GLIS3: variants seen among roughly 807,000 people sequenced by gnomAD.
GLIS3 encodes the protein zinc finger protein GLIS3.
Under a neutral mutation model 78.6 loss-of-function variants are expected in GLIS3, and 53 were observed. The ratio of observed to expected loss-of-function variants is 0.67; its 90% CI spans 0.54 to 0.85. GLIS3 has a LOEUF of 0.85. Among genes scored for constraint, GLIS3 ranks in the 40% least tolerant of loss-of-function variants. The probability of loss-of-function intolerance (pLI) is 0.00; values close to 1 mark genes in which losing one functional copy is unlikely to be tolerated. For synonymous variants in GLIS3, 684 were observed against 509.9 expected (o/e 1.34, Z -4.60); for missense variants, 1,703 against 1,231.1 (o/e 1.38, Z -5.74).
intron 4 of GLIS3, among the ~76,000 whole-genome samples, chr9:3,958,363 T>A (rs1723852512): frequency 6.6e-6 from 1 of 152,106 alleles, no homozygotes; most frequent in South Asian, 2.1e-4. Flanking sequence ...TCGATTCTTT[T>A]TTCAAAAAAA....
chr9:3,929,673 G>A (rs1383924996), intron 6 of GLIS3, among the ~76,000 whole-genome samples: 1 of 152,174 alleles, frequency 6.6e-6, no homozygotes, highest in Non-Finnish European at 1.5e-5. Context: ...CTAACAGGGT[G>A]TGACAGAAAA....
chr9:4,439,856 G>A, the GLIS3 span, among the ~76,000 whole-genome samples: 3 of 152,140 alleles, frequency 2.0e-5, no homozygotes, highest in African/African-American at 7.2e-5. Context: ...TTTTTGTGGG[G>A]TTCTTTTGCA....
At chr9:4,337,116 C>G (rs1170049043) in intron 2 of GLIS3, among the ~76,000 whole-genome samples, 1 of 150,966 alleles carries the variant, frequency 6.6e-6, no homozygotes, top group Non-Finnish European at 1.5e-5. Flanking sequence ...TTCTAGTGCA[C>G]AAACAAATTG....
At chr9:3,859,624 C>T (rs1037788662) in intron 8 of GLIS3, among the ~76,000 whole-genome samples, 2 of 152,126 alleles carry the variant, frequency 1.3e-5, no homozygotes, top group African/African-American at 2.4e-5. Flanking sequence ...TCAGTTACAG[C>T]GTGTCCAAGA....
the GLIS3 span, among the ~76,000 whole-genome samples, chr9:4,451,786 T>C: frequency 6.6e-6 from 1 of 152,038 alleles, no homozygotes; most frequent in Non-Finnish European, 1.5e-5. Context: ...ATAAAGATGT[T>C]CTTTGAAACC....
At chr9:3,985,411 G>T (rs556413970) in intron 4 of GLIS3, among the ~76,000 whole-genome samples, 6 of 152,170 alleles carry the variant, frequency 3.9e-5, no homozygotes, top group African/African-American at 9.7e-5. Flanking sequence ...GCCTCCCAAG[G>T]TGCTGGGATT....
intron 4 of GLIS3, among the ~76,000 whole-genome samples, chr9:4,306,591 T>A (rs1394510386): frequency 6.6e-6 from 1 of 152,178 alleles, no homozygotes; most frequent in Non-Finnish European, 1.5e-5. Flanking sequence ...TGAAATAGGA[T>A]TTTTCTCATT....
intron 4 of GLIS3, among the ~76,000 whole-genome samples, chr9:3,987,082 T>C (rs537541981): frequency 1.3e-5 from 2 of 152,156 alleles, no homozygotes; most frequent in African/African-American, 4.8e-5. Context: ...ACAAATTCTT[T>C]TGAAACAAAT....
intron 2 of GLIS3, among the ~76,000 whole-genome samples, chr9:4,216,788 C>T (rs928942639): frequency 2.0e-5 from 3 of 152,140 alleles, no homozygotes; most frequent in Admixed American, 6.5e-5. Context: ...TCATTCTCCA[C>T]CTGAAGAACA....
At chr9:4,180,202 G>C (rs1586895858) in intron 2 of GLIS3, among the ~76,000 whole-genome samples, 1 of 152,122 alleles carries the variant, frequency 6.6e-6, no homozygotes, top group South Asian at 2.1e-4. Context: ...AGAGGAGATG[G>C]GGACTGGAGA....
At chr9:4,176,379 A>G (rs910370108) in intron 2 of GLIS3, among the ~76,000 whole-genome samples, 1 of 152,206 alleles carries the variant, frequency 6.6e-6, no homozygotes, top group African/African-American at 2.4e-5. Flanking sequence ...GTTTGGAAAC[A>G]TTCAGCTTAT....
intron 2 of GLIS3, among the ~76,000 whole-genome samples, chr9:4,206,861 A>T (rs530493473): frequency 6.6e-6 from 1 of 152,232 alleles, no homozygotes; most frequent in African/African-American, 2.4e-5. Flanking sequence ...AGTTTTCACA[A>T]TTCAGTGTAG....
the GLIS3 span, among the ~76,000 whole-genome samples, chr9:4,407,603 C>G: frequency 6.6e-6 from 1 of 152,272 alleles, no homozygotes; most frequent in South Asian, 2.1e-4. Flanking sequence ...GCCGAGATCT[C>G]GCCACCGCAC....
intron 6 of GLIS3, among the ~76,000 whole-genome samples, chr9:3,905,148 C>CTT (rs35197736): frequency 5.9e-5 from 8 of 136,206 alleles, no homozygotes; most frequent in African/African-American, 2.0e-4. Flanking sequence ...AAATTTTTTT[C>CTT]TTTTTTTTTT....
rs1818676734 is a variant in GLIS3 at position 4,194,974 on chromosome 9, G to A, written c.389-69033C>T. Reference sequence around the variant, plus strand: ...GACAACCTGGCAGTGTAGCCACAAAGGCATTTTAGTCTCAGCCCAGAGATT... The same window carrying A: ...GACAACCTGGCAGTGTAGCCACAAAAGCATTTTAGTCTCAGCCCAGAGATT... On this transcript the variant is annotated intron_variant, in intron 2 of 10. Coordinates refer to ENST00000381971, the MANE Select transcript of GLIS3 (RefSeq NM_001042413.2). Among the ~76,000 whole-genome samples, 3 of 151,956 alleles carry A rather than the reference G, an allele frequency of 2.0e-5. No homozygotes were observed. In the Admixed American group the frequency reaches 2.0e-4, roughly 10 times the overall value.
chr9:3,985,104 A>G (rs1321610403), intron 4 of GLIS3, among the ~76,000 whole-genome samples: 2 of 151,702 alleles, frequency 1.3e-5, no homozygotes, highest in Non-Finnish European at 2.9e-5. Context: ...CACAAAAAAA[A>G]AAAAACCCAT....
intron 2 of GLIS3, among the ~76,000 whole-genome samples, chr9:4,315,231 G>A (rs189251915): frequency 1.1e-3 from 172 of 152,182 alleles, no homozygotes; most frequent in African/African-American, 3.9e-3. Context: ...AACAAATCTC[G>A]TCATCTTGTC....
chr9:4,421,280 G>A, the GLIS3 span, among the ~76,000 whole-genome samples: 1 of 152,174 alleles, frequency 6.6e-6, no homozygotes, highest in Non-Finnish European at 1.5e-5. Flanking sequence ...AGGAAAGGGG[G>A]TCCATCCAAG....
At chr9:3,892,585 C>G (rs1588164173) in intron 7 of GLIS3, among the ~76,000 whole-genome samples, 1 of 152,078 alleles carries the variant, frequency 6.6e-6, no homozygotes, top group South Asian at 2.1e-4. Context: ...AATTTAGAGT[C>G]TTTGCTATTC....
Sources: allele counts gnomAD v4.1 joint callset (sites outside exome capture counted in the v4.1 genomes callset), GRCh38; gene constraint gnomAD v4.1.1; transcripts MANE v1.5; gene names NCBI Gene and HGNC (gene_info 2026-07-23, HGNC 2026-07-21).